Variants in CC2D1B observed in about 807,000 individuals in gnomAD.
CC2D1B encodes the protein coiled-coil and C2 domain containing 1B, also known as coiled-coil and C2 domain-containing protein 1B.
CC2D1B carries 92 observed loss-of-function variants against 110.8 expected under a neutral mutation model. That is an observed-to-expected ratio of 0.83 (90% CI 0.70 to 0.99). CC2D1B has a LOEUF of 0.99. Ranked by LOEUF, CC2D1B falls within the 50% of genes least tolerant of loss-of-function variation. CC2D1B has a pLI of 0.00. For missense variants in CC2D1B, 1,136 were observed against 1,089.0 expected (o/e 1.04, Z -0.61); for synonymous variants, 406 against 429.2 (o/e 0.95, Z 0.67).
rs1030031242 is a variant in CC2D1B at position 52,351,255 on chromosome 1, A to G, written c.*1970T>C. On this transcript the variant is annotated 3_prime_UTR_variant, in exon 25 of 25. Transcript: ENST00000284376. ...AGCAGACTGAAATTGAATGGGTTGC[A>G]AAGGAGAAACCTTTAGAGCTATAGA... 1 of 152,234 alleles carries G rather than the reference A, an allele frequency of 6.6e-6. No homozygotes were observed. Among genetic ancestry groups the G allele is most frequent in the Non-Finnish European group, 1.5e-5 (1 of 68,040 alleles). The allele number at this position is 152,234 out of a possible 1,614,324, so 9.4% of individuals were successfully genotyped here. A position where few individuals can be genotyped will look rare whatever the true frequency, so the allele number is the denominator to read the frequency against.
In CC2D1B at chr1:52,353,078, G is replaced by T; in HGVS notation, c.*147C>A. The T allele has an allele frequency of 1.3e-6, 1 of 764,114 alleles. No homozygotes were observed. The highest frequency in any genetic ancestry group is 2.0e-6 in the Non-Finnish European group (1 of 503,758). 47.3% of individuals were successfully genotyped at this position (764,114 alleles called of 1,614,324 possible). A position where few individuals can be genotyped will look rare whatever the true frequency, so the allele number is the denominator to read the frequency against. On this transcript the variant is annotated 3_prime_UTR_variant, in exon 25 of 25. Transcript: ENST00000284376. The stretch of plus-strand genomic sequence containing the variant: ...GCCAACAACAGGAAAGACCAGAGTC[G>T]TGGTCAGTAGTGCACATGCTTAACA...
intron 18 of CC2D1B, 97 bp from the exon 19 acceptor site, chr1:52,355,941 A>G: frequency 7.8e-7 from 1 of 1,278,204 alleles, no homozygotes; most frequent in Non-Finnish European, 1.1e-6. Context: ...CTGGGTGGTG[A>G]CGGGAGGGAA....
chr1:52,352,636 T>G lies in CC2D1B; in HGVS notation c.*589A>C, dbSNP rs1285662767. On this transcript the variant is annotated 3_prime_UTR_variant, in exon 25 of 25. Transcript: ENST00000284376. The stretch of plus-strand genomic sequence containing the variant: ...AACCTTCCCCTTACTTCCCACCAAG[T>G]AGTACCAAAAACAACTTTCCCCCTC... 1.3e-5 allele frequency: 2 copies of G among 152,564 alleles called. No homozygotes were observed. The highest frequency in any genetic ancestry group is 6.6e-5 in the Admixed American group (1 of 15,266). 9.5% of individuals were successfully genotyped at this position (152,564 alleles called of 1,614,324 possible). A position where few individuals can be genotyped will look rare whatever the true frequency, so the allele number is the denominator to read the frequency against.
intron 7 of CC2D1B, 81 bp downstream of exon 7, chr1:52,359,993 G>C: frequency 1.9e-6 from 3 of 1,543,504 alleles, no homozygotes; most frequent in South Asian, 2.5e-5. Flanking sequence ...CAATGGTAAT[G>C]AACAGTGGTG....
At chr1:52,355,911 TCCAGGGCCTGTCTGC>T in intron 18 of CC2D1B, 67 bp from the exon 19 acceptor site, 1 of 1,525,608 alleles carries the variant, frequency 6.6e-7, no homozygotes, top group Non-Finnish European at 9.1e-7. Context: ...GGTCCCTTCG[TCCAGGGCCTGTCTGC>T]CCAGCTGGGT....
chr1:52,352,990 A>G lies in CC2D1B; in HGVS notation c.*235T>C. ...CCTTGCCCTCTTCCAGACTCGGGGCAGGGGGAGACAGCGGGGAGATGGGCT... is the reference window on the plus strand; with the variant it reads ...CCTTGCCCTCTTCCAGACTCGGGGCGGGGGGAGACAGCGGGGAGATGGGCT... On this transcript the variant is annotated 3_prime_UTR_variant, in exon 25 of 25. Coordinates refer to ENST00000284376, the MANE Select transcript of CC2D1B (RefSeq NM_001330585.2). 1 of 380,424 alleles carries G rather than the reference A, an allele frequency of 2.6e-6. No individual in the cohort carries two copies. The highest frequency in any genetic ancestry group is 5.3e-6 in the Non-Finnish European group (1 of 188,364). The allele number at this position is 380,424 out of a possible 1,614,324, so 23.6% of individuals were successfully genotyped here.
intron 1 of CC2D1B, among the ~76,000 whole-genome samples, chr1:52,364,899 G>A (rs1646852671): frequency 6.6e-6 from 1 of 152,216 alleles, no homozygotes. Context: ...TTCAGGGTGG[G>A]TGGAAGGCTG....
rs1010416348 is a variant in CC2D1B, at chr1:52,352,284, C to CAAAGG, written c.*936_*940dup. 3 of 152,452 alleles carry CAAAGG rather than the reference C, an allele frequency of 2.0e-5. No homozygotes were observed. The highest frequency in any genetic ancestry group is 4.8e-5 in the African/African-American group (2 of 41,488). The allele number at this position is 152,452 out of a possible 1,614,324, so 9.4% of individuals were successfully genotyped here. On this transcript the variant is annotated 3_prime_UTR_variant, in exon 25 of 25. Coordinates refer to ENST00000284376, the MANE Select transcript of CC2D1B (RefSeq NM_001330585.2). ...CTCCATCCATTCAGAAAAACAAAGCCAAAGGAGAATTTCTTGTGGAAAAAA... is the reference window on the plus strand; with the variant it reads ...CTCCATCCATTCAGAAAAACAAAGCCAAAGGAAAGGAGAATTTCTTGTGGAAAAAA...
intron 4 of CC2D1B, among the ~76,000 whole-genome samples, 178 bp from the exon 5 acceptor site, chr1:52,361,310 T>C (rs1646778021): frequency 6.6e-6 from 1 of 152,140 alleles, no homozygotes; most frequent in East Asian, 1.9e-4. Flanking sequence ...AAAATAGTAA[T>C]TACTCCAAAT....
At chr1:52,364,669 G>T in intron 1 of CC2D1B, 35 bp from the exon 2 acceptor site, 1 of 1,449,908 alleles carries the variant, frequency 6.9e-7, no homozygotes, top group Non-Finnish European at 9.6e-7. Context: ...GGCTGGAGTA[G>T]CCCATAAGCC....
At chr1:52,364,513 C>G in intron 2 of CC2D1B, 39 bp downstream of exon 2, 2 of 1,486,524 alleles carry the variant, frequency 1.3e-6, no homozygotes, top group Non-Finnish European at 9.2e-7. Context: ...ACCCCCATCC[C>G]CAAACCGACC....
chr1:52,359,905 C>T (rs1382209263), intron 7 of CC2D1B, 22 bp from the exon 8 acceptor site: 2 of 1,603,150 alleles, frequency 1.2e-6, no homozygotes, highest in South Asian at 2.2e-5. Context: ...CAAACAGTCC[C>T]CAGAGAGCAC....
intron 23 of CC2D1B, chr1:52,354,244 G>T: frequency 2.4e-6 from 1 of 418,500 alleles, no homozygotes. Flanking sequence ...GCCTACATAG[G>T]TTATCAGTAA....
At chr1:52,361,154 C>G in intron 4 of CC2D1B, 22 bp from the exon 5 acceptor site, 1 of 1,613,700 alleles carries the variant, frequency 6.2e-7, no homozygotes, top group Non-Finnish European at 8.5e-7. Flanking sequence ...AAACACAGCC[C>G]AGGAGCTTGG....
chr1:52,360,529 T>C lies in CC2D1B; in HGVS notation c.498A>G (p.Leu166=), dbSNP rs1005850427. 1.2e-6 allele frequency: 2 copies of C among 1,614,022 alleles called. No individual in the cohort carries two copies. The highest frequency in any genetic ancestry group is 1.3e-5 in the African/African-American group (1 of 74,954). ...PAAQAGASQG[L]HALLEERIHN... is the part of the protein sequence containing the mutation. ...GAATCCGTTCCTCCAGCAAAGCGTG[T>C]AGCCCCTGAGATGCTCCGGCCTATG... is the stretch of plus-strand genomic sequence containing the variant. Residue 166 remains leucine (L), a synonymous_variant, in exon 6 of 25, where the codon CTA becomes CTG. Coordinates refer to ENST00000284376, the MANE Select transcript of CC2D1B (RefSeq NM_001330585.2).
Position 52,358,732 on chromosome 1 carries a change from G to A in CC2D1B, c.1284C>T (p.His428=). The change falls in exon 12 of 25, where the codon CAC becomes CAT. Residue 428 remains histidine, a synonymous_variant. Coordinates refer to ENST00000284376, the MANE Select transcript of CC2D1B (RefSeq NM_001330585.2). ...CAAAGTTGACTTTCCGTCCTGCTCG[G>A]TGTGCTCGAATAGCATCTTGATATT... ...AKQYQDAIRA[H]RAGRKVNFAE... The A allele has an allele frequency of 6.2e-7, 1 of 1,612,556 alleles. No homozygotes were observed. The highest frequency in any genetic ancestry group is 1.7e-4 in the Middle Eastern group (1 of 6,052).
Position 52,358,752 on chromosome 1 carries a change from G to C in CC2D1B, c.1264C>G (p.Gln422Glu). 1 of 1,609,670 alleles carries C rather than the reference G, an allele frequency of 6.2e-7. No homozygotes were observed. Among genetic ancestry groups the C allele is most frequent in the Non-Finnish European group, 8.5e-7 (1 of 1,178,836 alleles). ...GCTCGGTGTGCTCGAATAGCATCTT[G>C]ATATTGCTGCAAGGGAAGGAAGGGA... is the stretch of plus-strand genomic sequence containing the variant. ...RMHERIAKQY[Q>E]DAIRAHRAGR... is the part of the protein sequence containing the mutation. The change falls in exon 12 of 25, where the codon CAA (glutamine) becomes GAA (glutamate). Residue 422 changes from glutamine to glutamate, a missense_variant. Gln to Glu is a conservative substitution (Grantham distance 29). Coordinates refer to ENST00000284376, the MANE Select transcript of CC2D1B (RefSeq NM_001330585.2).
At chr1:52,361,720 C>T (rs1646786958) in intron 3 of CC2D1B, 104 bp from the exon 4 acceptor site, 1 of 1,408,654 alleles carries the variant, frequency 7.1e-7, no homozygotes, top group African/African-American at 1.4e-5. Context: ...CCTCTTCCCT[C>T]CCACAGCAGA....
At chr1:52,354,177 G>C (rs375772906) in intron 23 of CC2D1B, among the ~76,000 whole-genome samples, 1 of 152,192 alleles carries the variant, frequency 6.6e-6, no homozygotes, top group Admixed American at 6.5e-5. Context: ...GCCCGCATAA[G>C]AACAACTTCC....
Sources: gnomAD v4.1 joint callset for allele counts (sites outside exome capture counted in the v4.1 genomes callset) on GRCh38, gnomAD v4.1.1 for gene constraint, MANE v1.5 for transcripts, NCBI Gene and HGNC (gene_info 2026-07-23, HGNC 2026-07-21) for gene names.